Variants in RANBP2 observed in about 807,000 individuals in gnomAD.
RANBP2 encodes the protein RAN binding protein 2.
A neutral mutation model predicts 303.6 loss-of-function variants in RANBP2; 57 were observed. The ratio of observed to expected loss-of-function variants is 0.19; its 90% CI spans 0.15 to 0.23. The LOEUF (loss-of-function observed/expected upper bound fraction) is 0.23. Among genes scored for constraint, RANBP2 ranks in the 10% least tolerant of loss-of-function variants. The probability of loss-of-function intolerance (pLI) is 1.00; values close to 1 mark genes in which losing one functional copy is unlikely to be tolerated. For synonymous variants in RANBP2, 1,167 were observed against 1,301.5 expected (o/e 0.90, Z 2.23); for missense variants, 3,138 against 3,780.8 (o/e 0.83, Z 4.46).
chr2:109,778,107 CAA>C, the RANBP2 span, among the ~76,000 whole-genome samples: 1 of 134,048 alleles, frequency 7.5e-6, no homozygotes, highest in Admixed American at 8.2e-5. Flanking sequence ...AGATGAAAAG[CAA>C]AACAAGCAAA....
At chr2:109,732,730 G>C in the RANBP2 span, 1 of 663,732 alleles carries the variant, frequency 1.5e-6, no homozygotes, top group Non-Finnish European at 2.9e-6. Flanking sequence ...GGTTTATGTA[G>C]GTTTATGCAG....
the RANBP2 span, among the ~76,000 whole-genome samples, chr2:109,247,152 TG>T: frequency 6.6e-6 from 1 of 152,138 alleles, no homozygotes; most frequent in Non-Finnish European, 1.5e-5. Flanking sequence ...ACATGAAACA[TG>T]GAGTTTGGGT....
At chr2:108,855,800 C>G in the RANBP2 span, among the ~76,000 whole-genome samples, 5 of 152,022 alleles carry the variant, frequency 3.3e-5, no homozygotes, top group Non-Finnish European at 7.4e-5. Context: ...GCTGAAACAG[C>G]AAAGAAGAAA....
the RANBP2 span, among the ~76,000 whole-genome samples, chr2:109,290,618 C>G: frequency 3.7e-4 from 56 of 152,224 alleles, no homozygotes; most frequent in Non-Finnish European, 6.2e-4. Context: ...TTCTTGAAGC[C>G]TCTGGATTCC....
At chr2:109,153,787 C>A in the RANBP2 span, among the ~76,000 whole-genome samples, 1 of 152,332 alleles carries the variant, frequency 6.6e-6, no homozygotes, top group South Asian at 2.1e-4. Flanking sequence ...ACCCCCCGAC[C>A]CCCGATGCCA....
At chr2:109,192,940 T>C in the RANBP2 span, among the ~76,000 whole-genome samples, 1 of 152,196 alleles carries the variant, frequency 6.6e-6, no homozygotes, top group African/African-American at 2.4e-5. Flanking sequence ...TGTGGTTAAA[T>C]TAAGGGTGTT....
chr2:109,343,707 T>C, the RANBP2 span, among the ~76,000 whole-genome samples: 1 of 151,034 alleles, frequency 6.6e-6, no homozygotes, highest in Non-Finnish European at 1.5e-5. Flanking sequence ...CAATCTCCAG[T>C]CTGCCCCTGC....
At chr2:109,170,252 C>CTTT in the RANBP2 span, among the ~76,000 whole-genome samples, 1 of 13,926 alleles carries the variant, frequency 7.2e-5, no homozygotes, top group Non-Finnish European at 1.9e-4. Context: ...CTTTTCTCTT[C>CTTT]TCTTCTCTTC....
the RANBP2 span, among the ~76,000 whole-genome samples, chr2:109,027,260 A>AG: frequency 1.3e-5 from 2 of 151,340 alleles, no homozygotes; most frequent in African/African-American, 4.8e-5. Flanking sequence ...AAAAAAAAAA[A>AG]AAAACAAGGA....
At chr2:109,572,085 TA>T in the RANBP2 span, among the ~76,000 whole-genome samples, 1 of 152,338 alleles carries the variant, frequency 6.6e-6, no homozygotes, top group South Asian at 2.1e-4. Context: ...TCATCTCAGC[TA>T]ATCTTCCCAA....
the RANBP2 span, among the ~76,000 whole-genome samples, chr2:109,132,026 G>C: frequency 1.3e-5 from 2 of 152,176 alleles, no homozygotes; most frequent in Non-Finnish European, 2.9e-5. Flanking sequence ...CTATACAGTT[G>C]GTTGACAAAG....
the RANBP2 span, among the ~76,000 whole-genome samples, chr2:109,778,741 GT>G: frequency 7.2e-6 from 1 of 138,120 alleles, no homozygotes; most frequent in Non-Finnish European, 1.6e-5. Context: ...CCAGGCTGGA[GT>G]TTAGTGGTGT....
chr2:108,910,601 C>T, the RANBP2 span: 3 of 1,447,612 alleles, frequency 2.1e-6, no homozygotes, highest in Non-Finnish European at 2.9e-6. Flanking sequence ...CTCAGCCCAA[C>T]CCTGCTCTTC....
At chr2:108,732,498 C>T (rs1695244767) in intron 4 of RANBP2, among the ~76,000 whole-genome samples, 1 of 152,180 alleles carries the variant, frequency 6.6e-6, no homozygotes, top group African/African-American at 2.4e-5. Context: ...TACTTCTGGT[C>T]TCAAGCATTT....
the RANBP2 span, chr2:108,930,081 CT>C: frequency 6.3e-7 from 1 of 1,597,628 alleles, no homozygotes; most frequent in East Asian, 2.3e-5. Flanking sequence ...GAGGCCTCCC[CT>C]GAGAGCGCAC....
chr2:109,254,279 G>A, the RANBP2 span, among the ~76,000 whole-genome samples: 3 of 152,180 alleles, frequency 2.0e-5, no homozygotes, highest in African/African-American at 7.2e-5. Flanking sequence ...TTAGCACGCA[G>A]CAGCATAGTG....
chr2:108,749,156 G>A, intron 9 of RANBP2, 27 bp downstream of exon 9: 1 of 1,611,800 alleles, frequency 6.2e-7, no homozygotes. Context: ...AGAGGAAATG[G>A]TCTCCGTCTT....
At chr2:108,886,631 C>T in the RANBP2 span, among the ~76,000 whole-genome samples, 2 of 152,118 alleles carry the variant, frequency 1.3e-5, no homozygotes, top group Non-Finnish European at 2.9e-5. Context: ...CCAGGATGGT[C>T]TCCATCTCCT....
At chr2:108,823,552 C>T in the RANBP2 span, among the ~76,000 whole-genome samples, 9 of 152,214 alleles carry the variant, frequency 5.9e-5, no homozygotes, top group African/African-American at 2.2e-4. Context: ...TATTAGGTAG[C>T]CTGTTGTTCC....
Sources: gnomAD v4.1 joint callset for allele counts (sites outside exome capture counted in the v4.1 genomes callset) on GRCh38, gnomAD v4.1.1 for gene constraint, MANE v1.5 for transcripts, NCBI Gene and HGNC (gene_info 2026-07-23, HGNC 2026-07-21) for gene names.